ADGRA2: variants seen among roughly 807,000 people sequenced by gnomAD.
The protein encoded by ADGRA2 is G-protein coupled receptor 124.
In ADGRA2, 61 loss-of-function variants were observed where a neutral mutation model predicts 98.7. That is an observed-to-expected ratio of 0.62 (90% CI 0.50 to 0.76). The LOEUF is 0.76. ADGRA2 is among the 30% of genes least tolerant of loss of function. The probability of loss-of-function intolerance (pLI) is 0.00; values close to 1 mark genes in which losing one functional copy is unlikely to be tolerated. For missense variants in ADGRA2, 1,712 were observed against 1,860.0 expected (o/e 0.92, Z 1.46); for synonymous variants, 858 against 831.5 (o/e 1.03, Z -0.55).
At chr8:37,837,987 G>A (rs1805670516) in intron 14 of ADGRA2, 48 bp downstream of exon 14, 1 of 1,400,044 alleles carries the variant, frequency 7.1e-7, no homozygotes, top group Non-Finnish European at 9.5e-7. Context: ...GACACGGGCT[G>A]GGTGGAAAAT....
rs1805877976 is a variant in ADGRA2, at chr8:37,843,499, TCTTTTCCCCAACCTAAAACCAACCACCA to T, written c.*1145_*1172del. On this transcript the variant is annotated 3_prime_UTR_variant, in exon 19 of 19. Coordinates refer to ENST00000412232, the MANE Select transcript of ADGRA2 (RefSeq NM_032777.10). Reference sequence around the variant, plus strand: ...TACTCCTTTTAAACACCAGCACCCGTCTTTTCCCCAACCTAAAACCAACCACCAGCATTTCACTACAGGACCAAATGGA... The same window carrying T: ...TACTCCTTTTAAACACCAGCACCCGTGCATTTCACTACAGGACCAAATGGA... 1 of 152,348 alleles carries T rather than the reference TCTTTTCCCCAACCTAAAACCAACCACCA, an allele frequency of 6.6e-6. No homozygotes were observed. Among genetic ancestry groups the T allele is most frequent in the South Asian group, 2.1e-4 (1 of 4,822 alleles). The allele number at this position is 152,348 out of a possible 1,614,324, so 9.4% of individuals were successfully genotyped here.
At position 37,834,086 on chromosome 8, in the gene ADGRA2, TGG is replaced by T; in HGVS notation, c.1572_1573del (p.Ala525ArgfsTer58). Reference protein sequence around the residue: ...SRIVGALERIGGAALSPHAQH... With the variant: ...SRIVGALERIXGAALSPHAQH... The stretch of plus-strand genomic sequence containing the variant: ...GCATCGTGGGTGCCCTGGAGCGCAT[TGG>T]GGGGGCCGCCCTCAGCCCCCATGCC... On this transcript the variant is annotated frameshift_variant, in exon 11 of 19. Coordinates refer to ENST00000412232, the MANE Select transcript of ADGRA2 (RefSeq NM_032777.10). LOFTEE classifies it high-confidence loss of function. The surrounding 1 kb of genome is among the most constrained non-coding windows in gnomAD (Gnocchi z 4.2). The T allele has an allele frequency of 6.2e-7, 1 of 1,612,418 alleles. No individual in the cohort carries two copies. The highest frequency in any genetic ancestry group is 1.1e-5 in the South Asian group (1 of 91,012).
rs1274133408 is a variant in ADGRA2, at chr8:37,829,292, ACCTCCGAGACCTT to A, written c.445_457del (p.Ser149ArgfsTer9). On this transcript the variant is annotated frameshift_variant, in exon 4 of 19. Coordinates refer to ENST00000412232, the MANE Select transcript of ADGRA2 (RefSeq NM_032777.10). LOFTEE classifies it high-confidence loss of function. ...CTCCAACAACCGGATTGGCTGTCTC[ACCTCCGAGACCTT>A]CCAGGGCCTCCCCAGGCTTCTCCGA... 7 of 1,612,714 alleles carry A rather than the reference ACCTCCGAGACCTT, an allele frequency of 4.3e-6. No homozygotes were observed. The highest frequency in any genetic ancestry group is 5.9e-6 in the Non-Finnish European group (7 of 1,179,588).
chr8:37,840,832 C>T lies in ADGRA2; in HGVS notation c.2730C>T (p.Tyr910=). 1 of 1,602,632 alleles carries T rather than the reference C, an allele frequency of 6.2e-7. No individual in the cohort carries two copies. Among genetic ancestry groups the T allele is most frequent in the Non-Finnish European group, 8.5e-7 (1 of 1,170,528 alleles). The change falls in exon 18 of 19, where the codon TAC becomes TAT. Residue 910 remains tyrosine (Y), a synonymous_variant. Coordinates refer to ENST00000412232, the MANE Select transcript of ADGRA2 (RefSeq NM_032777.10). ...GITAAVNIHN[Y]RDHSPYCWLV... is the part of the protein sequence containing the mutation. ...CAGCTGCAGTCAACATCCACAACTA[C>T]CGGGACCACAGCCCCTAGTGAGCAC...
At chr8:37,824,298 G>A (rs1805207027) in intron 2 of ADGRA2, among the ~76,000 whole-genome samples, 1 of 151,540 alleles carries the variant, frequency 6.6e-6, no homozygotes, top group Non-Finnish European at 1.5e-5. Context: ...CAGAGTGCTG[G>A]GATTACATGC....
chr8:37,816,063 C>T (rs1271892794), intron 2 of ADGRA2, among the ~76,000 whole-genome samples: 9 of 152,232 alleles, frequency 5.9e-5, no homozygotes, highest in Admixed American at 5.9e-4. Context: ...AGGTGTGACT[C>T]TCCTGCTCAA....
At position 37,842,653 on chromosome 8, in the gene ADGRA2, G is replaced by GT. The variant is rs1264592519; in HGVS notation, c.*298_*299insT. On this transcript the variant is annotated 3_prime_UTR_variant, in exon 19 of 19. Transcript: ENST00000412232. ...TGAAAGGGCACAGCACATCCCAGGT[G>GT]CACCCTCCCCAAGTACTCCCACCCC... 2 of 338,090 alleles carry GT rather than the reference G, an allele frequency of 5.9e-6. No individual in the cohort carries two copies. The highest frequency in any genetic ancestry group is 5.0e-5 in the Admixed American group (1 of 20,184). 20.9% of individuals were successfully genotyped at this position (338,090 alleles called of 1,614,324 possible). A position where few individuals can be genotyped will look rare whatever the true frequency, so the allele number is the denominator to read the frequency against.
In ADGRA2 at chr8:37,813,496, A is replaced by G. The variant is rs74437067; in HGVS notation, c.267-1400A>G. 1.3e-4 allele frequency among the ~76,000 whole-genome samples: 20 copies of G among 152,278 alleles called. 1 individual carries two copies. In the East Asian group the frequency reaches 3.3e-3, roughly 25 times the overall value. ...CTGTGATGTACTTTTTGACATATCA[A>G]CATTGTGCGTGTGTGTGTGTTTGTG... On this transcript the variant is annotated intron_variant, in intron 1 of 18. Coordinates refer to ENST00000412232, the MANE Select transcript of ADGRA2 (RefSeq NM_032777.10).
Position 37,841,913 on chromosome 8 carries a change from C to CG in ADGRA2, c.3580dup (p.Glu1194GlyfsTer72), listed in dbSNP as rs1563355741. The CG allele has an allele frequency of 1.3e-6, 2 of 1,526,418 alleles. No individual in the cohort carries two copies. The highest frequency in any genetic ancestry group is 8.7e-7 in the Non-Finnish European group (1 of 1,143,900). The allele number at this position is 1,526,418 out of a possible 1,614,324, so 94.6% of individuals were successfully genotyped here. On this transcript the variant is annotated frameshift_variant, in exon 19 of 19. Coordinates refer to ENST00000412232, the MANE Select transcript of ADGRA2 (RefSeq NM_032777.10). LOFTEE classifies it low-confidence loss of function (END_TRUNC). The surrounding 1 kb of genome is among the most constrained non-coding windows in gnomAD (Gnocchi z 5.0). ...AAGAGCCGGGCCAAGGGACACCGCG[C>CG]GGGGGAGGCCTGCGGCAAGAACCGG... is the stretch of plus-strand genomic sequence containing the variant.
chr8:37,799,924 C>T (rs1010372044), intron 1 of ADGRA2, among the ~76,000 whole-genome samples: 1 of 152,182 alleles, frequency 6.6e-6, no homozygotes, highest in Non-Finnish European at 1.5e-5. Context: ...ATGGCACCCC[C>T]CAATCCCCAC....
At chr8:37,823,478 G>C (rs1441212901) in intron 2 of ADGRA2, among the ~76,000 whole-genome samples, 1 of 152,134 alleles carries the variant, frequency 6.6e-6, no homozygotes, top group Non-Finnish European at 1.5e-5. Flanking sequence ...TGGGATTACA[G>C]GCTTGAGCTA....
At position 37,841,656 on chromosome 8, in the gene ADGRA2, T is replaced by A; in HGVS notation, c.3318T>A (p.Gly1106=). ...PRALPAAAED[G]SPVFGEGPPS... is the part of the protein sequence containing the mutation. Reference sequence around the variant, plus strand: ...CCCTGCCCGCCGCCGCAGAGGACGGTTCCCCGGTGTTCGGGGAGGGCCCCC... The same window carrying A: ...CCCTGCCCGCCGCCGCAGAGGACGGATCCCCGGTGTTCGGGGAGGGCCCCC... The change falls in exon 19 of 19, where the codon GGT becomes GGA. Residue 1106 remains glycine, a synonymous_variant. Coordinates refer to ENST00000412232, the MANE Select transcript of ADGRA2 (RefSeq NM_032777.10). This position sits in a 1 kb window ranked among gnomAD's most constrained non-coding sequence, Gnocchi z 5.0. 6.5e-7 allele frequency: 1 copy of A among 1,527,060 alleles called. No homozygotes were observed. The highest frequency in any genetic ancestry group is 8.8e-7 in the Non-Finnish European group (1 of 1,136,938). The allele number at this position is 1,527,060 out of a possible 1,614,324, so 94.6% of individuals were successfully genotyped here. A position where few individuals can be genotyped will look rare whatever the true frequency, so the allele number is the denominator to read the frequency against.
At position 37,841,623 on chromosome 8, in the gene ADGRA2, G is replaced by T; in HGVS notation, c.3285G>T (p.Pro1095=). 1 of 1,535,018 alleles carries T rather than the reference G, an allele frequency of 6.5e-7. No individual in the cohort carries two copies. The highest frequency in any genetic ancestry group is 8.8e-7 in the Non-Finnish European group (1 of 1,140,372). Residue 1095 remains proline (P), a synonymous_variant, in exon 19 of 19, where the codon CCG becomes CCT. Transcript: ENST00000412232. This position sits in a 1 kb window ranked among gnomAD's most constrained non-coding sequence, Gnocchi z 5.0. ...PPASPAAPHA[P]PRALPAAAED... ...CCTCTCCCGCGGCCCCCCATGCCCC[G>T]CCCCGGGCCCTGCCCGCCGCCGCAG...
At chr8:37,824,104 T>C (rs1209530937) in intron 2 of ADGRA2, among the ~76,000 whole-genome samples, 1 of 152,204 alleles carries the variant, frequency 6.6e-6, no homozygotes, top group Non-Finnish European at 1.5e-5. Context: ...TGGTCTCAGC[T>C]CACTGCAATC....
chr8:37,827,201 G>C (rs1805307263), intron 2 of ADGRA2, among the ~76,000 whole-genome samples: 1 of 152,252 alleles, frequency 6.6e-6, no homozygotes, highest in African/African-American at 2.4e-5. Flanking sequence ...GAGCCAGCTG[G>C]CCTTTGAGTA....
Position 37,831,528 on chromosome 8 carries a change from G to A in ADGRA2, c.1038G>A (p.Leu346=), listed in dbSNP as rs939379970. The change falls in exon 8 of 19, where the codon CTG becomes CTA. Residue 346 remains leucine, a synonymous_variant. Coordinates refer to ENST00000412232, the MANE Select transcript of ADGRA2 (RefSeq NM_032777.10). ...GCAAGAAGGTGGAGATCGTGGTGCT[G>A]GAGACCTCTGCCTCCTACTGCCCCG... is the stretch of plus-strand genomic sequence containing the variant. ...NASKKVEIVV[L]ETSASYCPAE... is the part of the protein sequence containing the mutation. The A allele has an allele frequency of 6.2e-7, 1 of 1,613,498 alleles. No homozygotes were observed. Among genetic ancestry groups the A allele is most frequent in the African/African-American group, 1.3e-5 (1 of 74,786 alleles).
At chr8:37,808,252 G>A (rs1354629376) in intron 1 of ADGRA2, among the ~76,000 whole-genome samples, 1 of 152,200 alleles carries the variant, frequency 6.6e-6, no homozygotes, top group African/African-American at 2.4e-5. Context: ...TGGGAGGGAG[G>A]GAAGAAAGAA....
chr8:37,822,384 TACACAC>T (rs147834043), intron 2 of ADGRA2, among the ~76,000 whole-genome samples: 1 of 147,122 alleles, frequency 6.8e-6, no homozygotes, highest in Non-Finnish European at 1.5e-5. Flanking sequence ...TGTATGTGGG[TACACAC>T]ACACACACAC....
Position 37,833,790 on chromosome 8 carries a change from G to A in ADGRA2, c.1399G>A (p.Ala467Thr), listed in dbSNP as rs1328378635. ...FSDMMDVVYVAQMIQKFLGYV... is the reference protein window; with the variant it reads ...FSDMMDVVYVTQMIQKFLGYV... ...AGACATGATGGATGTAGTCTATGTGGCTCAGATGATCCAGAAATTTTTGGG... is the reference window on the plus strand; with the variant it reads ...AGACATGATGGATGTAGTCTATGTGACTCAGATGATCCAGAAATTTTTGGG... Residue 467 changes from alanine (A) to threonine (T), a missense_variant, in exon 10 of 19, where the codon GCT becomes ACT. Physicochemically the swap from Ala to Thr is moderately conservative, Grantham distance 58 (BLOSUM62 0). Coordinates refer to ENST00000412232, the MANE Select transcript of ADGRA2 (RefSeq NM_032777.10). 23 of 1,614,196 alleles carry A rather than the reference G, an allele frequency of 1.4e-5. No homozygotes were observed. Among genetic ancestry groups the A allele is most frequent in the Non-Finnish European group, 1.9e-5 (22 of 1,180,014 alleles).
Sources: gnomAD v4.1 joint callset for allele counts (sites outside exome capture counted in the v4.1 genomes callset) on GRCh38, gnomAD v4.1.1 for gene constraint, Gnocchi (gnomAD v3.1) non-coding constraint, MANE v1.5 for transcripts, NCBI Gene and HGNC (gene_info 2026-07-23, HGNC 2026-07-21) for gene names.